Variants in PDSS2 observed in about 807,000 individuals in gnomAD.
PDSS2 encodes the protein all trans-polyprenyl-diphosphate synthase PDSS2.
A neutral mutation model predicts 44.5 loss-of-function variants in PDSS2; 31 were observed. The observed-to-expected ratio is 0.70, with a 90% CI of 0.52 to 0.94. The LOEUF is 0.94. Ranked by LOEUF, PDSS2 falls within the 40% of genes least tolerant of loss-of-function variation. The probability of loss-of-function intolerance (pLI) is 0.00; values close to 1 mark genes in which losing one functional copy is unlikely to be tolerated. For missense variants in PDSS2, 452 were observed against 482.2 expected, an observed-to-expected ratio of 0.94 and a Z score of 0.59; for synonymous variants, 157 against 180.3, an observed-to-expected ratio of 0.87 and a Z score of 1.03.
Position 107,175,292 on chromosome 6 carries a change from G to A in PDSS2, c.1041+18530C>T, listed in dbSNP as rs1261411838. ...ATATCTATCTTCTACCCTCACAACA[G>A]CCCTACGAGGTAGATGCTACTATTA... On this transcript the variant is annotated intron_variant, in intron 7 of 7. Coordinates refer to ENST00000369037, the MANE Select transcript of PDSS2 (RefSeq NM_020381.4). Among the ~76,000 whole-genome samples the A allele has an allele frequency of 2.6e-5, 4 of 151,524 alleles. No homozygotes were observed. The East Asian group carries it at 5.8e-4, about 22-fold the overall frequency.
intron 4 of PDSS2, among the ~76,000 whole-genome samples, chr6:107,223,557 C>A (rs1010788089): frequency 6.6e-6 from 1 of 150,504 alleles, no homozygotes; most frequent in African/African-American, 2.5e-5. Context: ...AACAAACAAA[C>A]AAAAACTAGT....
intron 7 of PDSS2, among the ~76,000 whole-genome samples, chr6:107,163,610 T>C (rs1484726255): frequency 1.3e-5 from 2 of 152,072 alleles, no homozygotes; most frequent in Non-Finnish European, 2.9e-5. Context: ...CTTTTTTTTT[T>C]TTTCTTTTTT....
At chr6:107,245,768 G>T in intron 3 of PDSS2, 149 bp from the exon 4 acceptor site, 1 of 512,792 alleles carries the variant, frequency 2.0e-6, no homozygotes, top group Non-Finnish European at 3.4e-6. Flanking sequence ...TCAGCAAATG[G>T]CATTGCCCAC....
At chr6:107,306,227 C>G (rs1376941248) in intron 2 of PDSS2, among the ~76,000 whole-genome samples, 2 of 152,072 alleles carry the variant, frequency 1.3e-5, no homozygotes, top group Non-Finnish European at 2.9e-5. Flanking sequence ...TCTTGAATTC[C>G]CATGTGTTGT....
intron 4 of PDSS2, among the ~76,000 whole-genome samples, chr6:107,236,013 A>G (rs1663690822): frequency 6.6e-6 from 1 of 152,036 alleles, no homozygotes; most frequent in African/African-American, 2.4e-5. Flanking sequence ...GAAAGTCAGA[A>G]AAAAAAATTG....
intron 3 of PDSS2, among the ~76,000 whole-genome samples, chr6:107,260,573 A>G (rs1207797731): frequency 6.6e-6 from 1 of 152,080 alleles, no homozygotes; most frequent in Non-Finnish European, 1.5e-5. Flanking sequence ...AATATTATAT[A>G]TAATACATTT....
chr6:107,203,571 C>G (rs1045210678), intron 6 of PDSS2, among the ~76,000 whole-genome samples: 1 of 152,180 alleles, frequency 6.6e-6, no homozygotes, highest in African/African-American at 2.4e-5. Context: ...GGCTCAAAAA[C>G]TTTCAATGTC....
intron 2 of PDSS2, among the ~76,000 whole-genome samples, chr6:107,313,464 T>C (rs1323965494): frequency 1.3e-5 from 2 of 152,158 alleles, no homozygotes; most frequent in Admixed American, 6.5e-5. Flanking sequence ...GCAATTCTCC[T>C]GCCTCAGCCT....
At chr6:107,219,312 G>A (rs1467439384) in intron 4 of PDSS2, among the ~76,000 whole-genome samples, 2 of 151,904 alleles carry the variant, frequency 1.3e-5, no homozygotes, top group Non-Finnish European at 2.9e-5. Flanking sequence ...TTTTGTGATG[G>A]AGTCTTGCTC....
chr6:107,300,683 C>G (rs993201797), intron 2 of PDSS2, among the ~76,000 whole-genome samples: 5 of 152,166 alleles, frequency 3.3e-5, no homozygotes, highest in South Asian at 2.1e-4. Context: ...TGGGTAACCC[C>G]CTTTGGGTCA....
chr6:107,322,029 A>C (rs899329545), intron 2 of PDSS2, among the ~76,000 whole-genome samples: 3 of 152,194 alleles, frequency 2.0e-5, no homozygotes, highest in African/African-American at 7.2e-5. Context: ...GATGGGGCCT[A>C]AACAATCATA....
At chr6:107,287,973 C>T (rs916589985) in intron 2 of PDSS2, among the ~76,000 whole-genome samples, 2 of 151,984 alleles carry the variant, frequency 1.3e-5, no homozygotes, top group Non-Finnish European at 2.9e-5. Flanking sequence ...CCAGCCTGAG[C>T]GACAGAGTGA....
intron 1 of PDSS2, among the ~76,000 whole-genome samples, chr6:107,443,497 A>G (rs751674319): frequency 1.8e-4 from 28 of 152,192 alleles, no homozygotes; most frequent in Non-Finnish European, 3.4e-4. Context: ...TATCCATTCA[A>G]TGGAATATCT....
At chr6:107,333,108 T>C (rs1777763568) in intron 2 of PDSS2, among the ~76,000 whole-genome samples, 1 of 152,224 alleles carries the variant, frequency 6.6e-6, no homozygotes, top group African/African-American at 2.4e-5. Flanking sequence ...AATAGATTTA[T>C]TTTTAAAGTA....
At chr6:107,344,730 G>T (rs1167619106) in intron 1 of PDSS2, among the ~76,000 whole-genome samples, 1 of 152,060 alleles carries the variant, frequency 6.6e-6, no homozygotes, top group Non-Finnish European at 1.5e-5. Flanking sequence ...TTCAGAAATG[G>T]TTACTGACCA....
chr6:107,350,614 A>C (rs1323758060), intron 1 of PDSS2, among the ~76,000 whole-genome samples: 1 of 152,178 alleles, frequency 6.6e-6, no homozygotes, highest in Admixed American at 6.5e-5. Context: ...TAGCCTGGGC[A>C]AAATAGTGAG....
chr6:107,300,743 G>GCAAAACA lies in PDSS2; in HGVS notation c.432-26517_432-26516insTGTTTTG, dbSNP rs1378727538. 5.3e-5 allele frequency among the ~76,000 whole-genome samples: 8 copies of GCAAAACA among 151,996 alleles called. No individual in the cohort carries two copies. The Middle Eastern group carries it at 0.021, about 390-fold the overall frequency. ...TTTCACTCTATCAAATCTTGCAATTGAAAAACAAAAAACAAAAAACACTGG... is the reference window on the plus strand; with the variant it reads ...TTTCACTCTATCAAATCTTGCAATTGCAAAACAAAAAACAAAAAACAAAAAACACTGG... On this transcript the variant is annotated intron_variant, in intron 2 of 7. Transcript: ENST00000369037.
chr6:107,295,977 T>C (rs1424387486), intron 2 of PDSS2, among the ~76,000 whole-genome samples: 1 of 152,220 alleles, frequency 6.6e-6, no homozygotes, highest in Non-Finnish European at 1.5e-5. Context: ...AGTAAGGGTA[T>C]GTGAATTGCT....
chr6:107,304,407 T>A (rs1776792477), intron 2 of PDSS2, among the ~76,000 whole-genome samples: 1 of 152,252 alleles, frequency 6.6e-6, no homozygotes, highest in Non-Finnish European at 1.5e-5. Context: ...CGCTTTTCTT[T>A]AGATTTTACC....
Sources: gnomAD v4.1 joint callset for allele counts (sites outside exome capture counted in the v4.1 genomes callset) on GRCh38, gnomAD v4.1.1 for gene constraint, MANE v1.5 for transcripts, NCBI Gene and HGNC (gene_info 2026-07-23, HGNC 2026-07-21) for gene names.